Variants in FER1L5 observed in about 807,000 individuals in gnomAD.
The protein encoded by FER1L5 is fer-1 like family member 5, also known as fer-1-like protein 5.
A neutral mutation model predicts 279.9 loss-of-function variants in FER1L5; 187 were observed. That is an observed-to-expected ratio of 0.67 (90% CI 0.59 to 0.75). The LOEUF is 0.75. Among genes scored for constraint, FER1L5 ranks in the 30% least tolerant of loss-of-function variants. FER1L5 has a pLI of 0.00. For synonymous variants in FER1L5, 921 were observed against 989.7 expected, an observed-to-expected ratio of 0.93 and a Z score of 1.30; for missense variants, 2,091 against 2,594.4, an observed-to-expected ratio of 0.81 and a Z score of 4.21.
chr2:96,662,648 C>G (rs932293496), intron 13 of FER1L5, among the ~76,000 whole-genome samples: 1 of 152,092 alleles, frequency 6.6e-6, no homozygotes, highest in African/African-American at 2.4e-5. Flanking sequence ...TGATGGGTGT[C>G]ATGGGTAAAA....
Position 96,691,503 on chromosome 2 carries a change from A to C in FER1L5, c.2966A>C (p.His989Pro). The change falls in exon 29 of 53, where the codon CAC (histidine) becomes CCC (proline). Residue 989 changes from histidine (H) to proline (P), a missense_variant. Coordinates refer to ENST00000624922, the MANE Select transcript of FER1L5 (RefSeq NM_001293083.2). This position sits in a 1 kb window ranked among gnomAD's most constrained non-coding sequence, Gnocchi z 6.0. ...WEYDTFGSKF[H>P]LNPQPQSRFR... Reference sequence around the variant, plus strand: ...TATGACACCTTCGGCTCCAAGTTCCACCTCAACCCTCAGCCCCAGAGCCGG... The same window carrying C: ...TATGACACCTTCGGCTCCAAGTTCCCCCTCAACCCTCAGCCCCAGAGCCGG... 1 of 1,549,206 alleles carries C rather than the reference A, an allele frequency of 6.5e-7. No homozygotes were observed. The highest frequency in any genetic ancestry group is 8.7e-7 in the Non-Finnish European group (1 of 1,146,218).
At chr2:96,647,755 A>C (rs1487159128) in intron 3 of FER1L5, 23 bp from the exon 4 acceptor site, 3 of 1,522,180 alleles carry the variant, frequency 2.0e-6, no homozygotes, top group Non-Finnish European at 1.8e-6. Context: ...TCAGGATCTC[A>C]CATCTGCTCC....
chr2:96,700,880 C>A (rs2077565506), intron 45 of FER1L5, among the ~76,000 whole-genome samples: 1 of 152,210 alleles, frequency 6.6e-6, no homozygotes, highest in South Asian at 2.1e-4. Context: ...TAACCCCAAA[C>A]AGAGAAATAA....
chr2:96,659,506 T>TTTCG (rs2075859661), intron 9 of FER1L5, among the ~76,000 whole-genome samples: 1 of 53,574 alleles, frequency 1.9e-5, no homozygotes, highest in Non-Finnish European at 3.0e-5. Flanking sequence ...TCTTTCTTTC[T>TTTCG]TTCGAGACAG....
In FER1L5 at chr2:96,691,388, G is replaced by A. The variant is rs765846923; in HGVS notation, c.2907+35G>A. ...CGACGGGCGCCCTGGCTGGGACTGCGGGCAGGGCCGCCTTGGCTGCTGCAG... is the reference window on the plus strand; with the variant it reads ...CGACGGGCGCCCTGGCTGGGACTGCAGGCAGGGCCGCCTTGGCTGCTGCAG... On this transcript the variant is annotated intron_variant, in intron 28 of 52. Transcript: ENST00000624922. The surrounding 1 kb of genome is among the most constrained non-coding windows in gnomAD (Gnocchi z 6.0). The A allele has an allele frequency of 1.2e-5, 19 of 1,539,614 alleles. No individual in the cohort carries two copies. Among genetic ancestry groups the A allele is most frequent in the East Asian group, 2.5e-5 (1 of 40,704 alleles).
chr2:96,662,018 C>T (rs1490526016), intron 12 of FER1L5, among the ~76,000 whole-genome samples, 197 bp from the exon 13 acceptor site: 1 of 152,166 alleles, frequency 6.6e-6, no homozygotes, highest in Non-Finnish European at 1.5e-5. Flanking sequence ...CAGATGCAAA[C>T]TCAAGGCTCC....
chr2:96,698,884 C>T lies in FER1L5; in HGVS notation c.4518+52C>T. On this transcript the variant is annotated intron_variant, in intron 41 of 52. Coordinates refer to ENST00000624922, the MANE Select transcript of FER1L5 (RefSeq NM_001293083.2). The surrounding 1 kb of genome is among the most constrained non-coding windows in gnomAD (Gnocchi z 5.5). ...GGTGCCCCGCACGCTCCCCTCAACC[C>T]ATCTCTGGGAGCCCCCTCCGACTGC... The T allele has an allele frequency of 6.5e-7, 1 of 1,543,428 alleles. No homozygotes were observed. The highest frequency in any genetic ancestry group is 2.5e-5 in the East Asian group (1 of 40,756).
At chr2:96,699,392 C>G (rs930139427) in intron 42 of FER1L5, among the ~76,000 whole-genome samples, 158 bp from the exon 43 acceptor site, 2 of 152,150 alleles carry the variant, frequency 1.3e-5, no homozygotes, top group African/African-American at 4.8e-5. Flanking sequence ...CAACCATAAC[C>G]AGGGGATGGC....
intron 12 of FER1L5, 115 bp downstream of exon 12, chr2:96,661,906 G>A (rs762512358): frequency 2.1e-6 from 3 of 1,419,390 alleles, no homozygotes; most frequent in South Asian, 2.7e-5. Context: ...TTTGGGGTAG[G>A]GGGGACAGGG....
chr2:96,669,935 G>A (rs1367930634), intron 17 of FER1L5, among the ~76,000 whole-genome samples, 184 bp from the exon 18 acceptor site: 1 of 152,100 alleles, frequency 6.6e-6, no homozygotes, highest in Non-Finnish European at 1.5e-5. Flanking sequence ...TGCAGAAGAG[G>A]GCTCAATGCC....
At chr2:96,654,787 T>C in intron 9 of FER1L5, 1 of 173,882 alleles carries the variant, frequency 5.8e-6, no homozygotes, top group Non-Finnish European at 1.2e-5. Flanking sequence ...TAGTCCCAGC[T>C]ACTCAGGAGG....
Position 96,699,110 on chromosome 2 carries a change from C to A in FER1L5, c.4584C>A (p.Pro1528=). The part of the protein sequence containing the change: ...TELGNRDMYQ[P]NTLDPIFGMM... ...TTGGCAACCGGGACATGTACCAGCC[C>A]AACACTCTGGATCCCATCTTTGGCA... The change falls in exon 42 of 53, where the codon CCC becomes CCA. Residue 1528 remains proline, a synonymous_variant. Transcript: ENST00000624922. 6.2e-7 allele frequency: 1 copy of A among 1,610,930 alleles called. No individual in the cohort carries two copies. The highest frequency in any genetic ancestry group is 8.5e-7 in the Non-Finnish European group (1 of 1,178,620).
intron 1 of FER1L5, among the ~76,000 whole-genome samples, chr2:96,643,742 T>A (rs943587857): frequency 1.4e-4 from 22 of 152,118 alleles, no homozygotes; most frequent in African/African-American, 4.6e-4. Context: ...TTTTTTTTTT[T>A]TTTTTAGGTA....
Position 96,702,392 on chromosome 2 carries a change from ACAT to A in FER1L5, c.5249_5251del (p.Ile1750del). 1 of 1,611,512 alleles carries A rather than the reference ACAT, an allele frequency of 6.2e-7. No homozygotes were observed. The highest frequency in any genetic ancestry group is 8.5e-7 in the Non-Finnish European group (1 of 1,178,902). ...AGTAGAGAGAAGACGAGCGACATCT[ACAT>A]CAAAGGGTAGGGAAGAGGAGTCAGG... is the stretch of plus-strand genomic sequence containing the variant. On this transcript the variant is annotated inframe_deletion, in exon 47 of 53. Transcript: ENST00000624922. This position sits in a 1 kb window ranked among gnomAD's most constrained non-coding sequence, Gnocchi z 4.0.
At chr2:96,671,106 C>CAAAAAAAAATAAAAAAAAAAAAAAAAAA (rs2076309956) in intron 18 of FER1L5, among the ~76,000 whole-genome samples, 1 of 40,222 alleles carries the variant, frequency 2.5e-5, no homozygotes. Context: ...GACTCCATCT[C>CAAAAAAAAATAAAAAAAAAAAAAAAAAA]AAAAAAAAAA....
chr2:96,659,466 T>TTTCTTTCTTTCTTTC (rs2075842552), intron 9 of FER1L5, among the ~76,000 whole-genome samples: 1 of 26,758 alleles, frequency 3.7e-5, no homozygotes, highest in Non-Finnish European at 5.7e-5. Flanking sequence ...TCTTTCTTTC[T>TTTCTTTCTTTCTTTC]TTCTTTCTTT....
chr2:96,659,464 T>TCTTC (rs2075841290), intron 9 of FER1L5, among the ~76,000 whole-genome samples: 1 of 27,102 alleles, frequency 3.7e-5, no homozygotes, highest in East Asian at 8.5e-4. Context: ...TTTCTTTCTT[T>TCTTC]CTTTCTTTCT....
Position 96,695,657 on chromosome 2 carries a change from C to G in FER1L5, c.3890C>G (p.Thr1297Arg), listed in dbSNP as rs1205925036. ...GAGTCTGAGTCTGTCCTAGTCCTCA[C>G]AGTGGTAAGAGGCCCCAGGGCAGGG... is the stretch of plus-strand genomic sequence containing the variant. Reference protein sequence around the residue: ...FPESESVLVLTVLMPTEEAYA... With the variant: ...FPESESVLVLRVLMPTEEAYA... Residue 1297 changes from threonine to arginine, a missense_variant, in exon 35 of 53, where the codon ACA (threonine) becomes AGA (arginine). Physicochemically the swap from Thr to Arg is moderately conservative, Grantham distance 71 (BLOSUM62 -1). Coordinates refer to ENST00000624922, the MANE Select transcript of FER1L5 (RefSeq NM_001293083.2). 1.2e-6 allele frequency: 2 copies of G among 1,605,678 alleles called. No individual in the cohort carries two copies. The highest frequency in any genetic ancestry group is 3.3e-4 in the Middle Eastern group (2 of 6,034).
chr2:96,691,876 C>T lies in FER1L5; in HGVS notation c.3127C>T (p.Pro1043Ser), dbSNP rs564412642. The T allele has an allele frequency of 1.1e-5, 17 of 1,551,556 alleles. No individual in the cohort carries two copies. Among genetic ancestry groups the T allele is most frequent in the Non-Finnish European group, 1.4e-5 (16 of 1,146,986 alleles). ...GAAGGAAGAGGACAGCAAGACATGGCCATGGGGTCTGGACAGACAGTTCAG... is the reference window on the plus strand; with the variant it reads ...GAAGGAAGAGGACAGCAAGACATGGTCATGGGGTCTGGACAGACAGTTCAG... Reference protein sequence around the residue: ...AGKEEDSKTWPWGLDRQFRDP... With the variant: ...AGKEEDSKTWSWGLDRQFRDP... The change falls in exon 30 of 53, where the codon CCA becomes TCA. Residue 1043 changes from proline (P) to serine (S), a missense_variant. Coordinates refer to ENST00000624922, the MANE Select transcript of FER1L5 (RefSeq NM_001293083.2). This position sits in a 1 kb window ranked among gnomAD's most constrained non-coding sequence, Gnocchi z 6.0.
Sources: gnomAD v4.1 joint callset for allele counts (sites outside exome capture counted in the v4.1 genomes callset) on GRCh38, gnomAD v4.1.1 for gene constraint, Gnocchi (gnomAD v3.1) non-coding constraint, MANE v1.5 for transcripts, NCBI Gene and HGNC (gene_info 2026-07-23, HGNC 2026-07-21) for gene names.